The following UGT2B11 variants were observed in gnomAD, a reference collection of about 807,000 sequenced individuals.
UGT2B11 encodes the protein UDP glucuronosyltransferase family 2 member B11.
In UGT2B11, 49 loss-of-function variants were observed where a neutral mutation model predicts 51.7. The ratio of observed to expected loss-of-function variants is 0.95; its 90% CI spans 0.75 to 1.20. The LOEUF (loss-of-function observed/expected upper bound fraction) is 1.20, where lower values mean the gene tolerates loss of function less well. UGT2B11 is among the 50% of genes most tolerant of loss of function. UGT2B11 has a pLI of 0.00. For missense variants in UGT2B11, 810 were observed against 622.1 expected (o/e 1.30, Z -3.21); for synonymous variants, 273 against 209.0 (o/e 1.31, Z -2.64).
chr4:69,218,445 G>T (rs1193893496), upstream of UGT2B11, among the ~76,000 whole-genome samples: 1 of 152,024 alleles, frequency 6.6e-6, no homozygotes, highest in Non-Finnish European at 1.5e-5. Flanking sequence ...TTACTTATTA[G>T]GATATATCAC....
chr4:69,215,577 G>T (rs1722245413), upstream of UGT2B11: 2 of 152,006 alleles, frequency 1.3e-5, no homozygotes, highest in Non-Finnish European at 2.9e-5. Context: ...GAATAGCATT[G>T]ATTAACATTG....
upstream of UGT2B11, chr4:69,215,572 G>T (rs557099877): frequency 3.4e-4 from 52 of 151,972 alleles, no homozygotes; most frequent in African/African-American, 1.2e-3. Flanking sequence ...ATTATGAATA[G>T]CATTGATTAA....
chr4:69,201,467 T>C (rs1048113249), intron 5 of UGT2B11, among the ~76,000 whole-genome samples: 1 of 151,852 alleles, frequency 6.6e-6, no homozygotes, highest in Non-Finnish European at 1.5e-5. Flanking sequence ...TGTTATTTGG[T>C]CTACAGAACC....
At chr4:69,200,850 T>C (rs1721631620) in intron 5 of UGT2B11, 131 bp from the exon 6 acceptor site, 1 of 1,184,278 alleles carries the variant, frequency 8.4e-7, no homozygotes, top group Non-Finnish European at 1.1e-6. Context: ...AGAATTTGTG[T>C]ATTTTAATTT....
At chr4:69,212,009 G>A (rs1722083771) in intron 2 of UGT2B11, among the ~76,000 whole-genome samples, 1 of 151,236 alleles carries the variant, frequency 6.6e-6, no homozygotes, top group South Asian at 2.1e-4. Context: ...CTTTTTGTCT[G>A]CCCCTCCCCT....
At chr4:69,224,745 A>G in the UGT2B11 span, among the ~76,000 whole-genome samples, 2 of 71,588 alleles carry the variant, frequency 2.8e-5, no homozygotes, top group Admixed American at 3.4e-4. Flanking sequence ...ACACGGATCA[A>G]CCGAGAGAAA....
intron 4 of UGT2B11, 101 bp downstream of exon 4, chr4:69,205,379 T>C: frequency 6.9e-7 from 1 of 1,453,466 alleles, no homozygotes; most frequent in African/African-American, 1.4e-5. Flanking sequence ...ACAAAGAAGT[T>C]CTTTTTTGTT....
intron 3 of UGT2B11, 91 bp from the exon 4 acceptor site, chr4:69,205,658 G>T: frequency 7.3e-7 from 1 of 1,367,688 alleles, no homozygotes; most frequent in Non-Finnish European, 1.0e-6. Flanking sequence ...ATGAGATCAA[G>T]GGATGTTAGT....
chr4:69,201,438 T>A (rs932322829), intron 5 of UGT2B11, among the ~76,000 whole-genome samples: 5 of 151,876 alleles, frequency 3.3e-5, no homozygotes, highest in Admixed American at 2.0e-4. Flanking sequence ...CTCATTCTTT[T>A]AATCATAAAA....
At chr4:69,220,367 G>A in the UGT2B11 span, among the ~76,000 whole-genome samples, 1 of 152,206 alleles carries the variant, frequency 6.6e-6, no homozygotes, top group South Asian at 2.1e-4. Context: ...GTTTGTGGAT[G>A]TATCATACTG....
the UGT2B11 span, among the ~76,000 whole-genome samples, chr4:69,221,812 C>A: frequency 2.0e-5 from 3 of 152,210 alleles, no homozygotes; most frequent in African/African-American, 7.2e-5. Flanking sequence ...TTACCTGGGG[C>A]TCTGTGAGGG....
At chr4:69,205,993 G>A (rs1467428774) in intron 3 of UGT2B11, among the ~76,000 whole-genome samples, 2 of 151,598 alleles carry the variant, frequency 1.3e-5, no homozygotes, top group Non-Finnish European at 3.0e-5. Context: ...TGGCGAGGTT[G>A]TATAGAAAAG....
Position 69,214,194 on chromosome 4 carries a change from C to G in UGT2B11, c.529G>C (p.Gly177Arg), listed in dbSNP as rs775969640. 1.6e-5 allele frequency: 26 copies of G among 1,612,836 alleles called. No individual in the cohort carries two copies. In the South Asian group the frequency reaches 1.9e-4, roughly 12 times the overall value. ...CCACTGTGCCTTTCAATTGTGTAGC[C>G]AGGAGTAAAGCGGAGACTGTACACA... ...RFVYSLRFTPGYTIERHSGGL... is the reference protein window; with the variant it reads ...RFVYSLRFTPRYTIERHSGGL... Residue 177 changes from glycine (G) to arginine (R), a missense_variant, in exon 1 of 6, where the codon GGC becomes CGC. Gly to Arg is a moderately radical substitution (Grantham distance 125, BLOSUM62 -2). Transcript: ENST00000446444.
At chr4:69,204,244 A>G (rs1721764435) in intron 5 of UGT2B11, 186 bp downstream of exon 5, 1 of 869,572 alleles carries the variant, frequency 1.1e-6, no homozygotes, top group Admixed American at 3.4e-5. Context: ...GTTACTCATT[A>G]GATGTATGGG....
At chr4:69,205,309 T>C (rs549161754) in intron 4 of UGT2B11, among the ~76,000 whole-genome samples, 171 bp downstream of exon 4, 63 of 151,932 alleles carry the variant, frequency 4.1e-4, no homozygotes, top group Non-Finnish European at 8.6e-4. Flanking sequence ...AATGTGATTA[T>C]ATATCATAAA....
At chr4:69,219,933 T>A in the UGT2B11 span, among the ~76,000 whole-genome samples, 2 of 152,154 alleles carry the variant, frequency 1.3e-5, no homozygotes. Context: ...CCCAAAGTCT[T>A]AACTAATTTC....
chr4:69,214,645 C>T lies in UGT2B11; in HGVS notation c.78G>A (p.Val26=). 6.2e-7 allele frequency: 1 copy of T among 1,613,160 alleles called. No homozygotes were observed. Among genetic ancestry groups the T allele is most frequent in the East Asian group, 2.2e-5 (1 of 44,828 alleles). The change falls in exon 1 of 6, where the codon GTG becomes GTA. Residue 26 remains valine (V), a synonymous_variant. Transcript: ENST00000446444. ...GGCTGTATTCTGCGGCCCACACCAG[C>T]ACTTTTCCACAACTCCCAGAGCTAA... The part of the protein sequence containing the change: ...CYFSSGSCGK[V]LVWAAEYSHW...
At chr4:69,209,913 T>A (rs1425866680) in intron 2 of UGT2B11, among the ~76,000 whole-genome samples, 2 of 151,614 alleles carry the variant, frequency 1.3e-5, no homozygotes, top group African/African-American at 4.8e-5. Flanking sequence ...ATGTAAGAAA[T>A]TGTATAAAAG....
chr4:69,207,298 A>G (rs903115020), intron 3 of UGT2B11, among the ~76,000 whole-genome samples: 1 of 151,602 alleles, frequency 6.6e-6, no homozygotes, highest in Non-Finnish European at 1.5e-5. Flanking sequence ...CAAACTGAAC[A>G]ATAATTTGCA....
Sources: gnomAD v4.1 joint callset for allele counts (sites outside exome capture counted in the v4.1 genomes callset) on GRCh38, gnomAD v4.1.1 for gene constraint, MANE v1.5 for transcripts, NCBI Gene and HGNC (gene_info 2026-07-23, HGNC 2026-07-21) for gene names.